KCTD5: variants seen among roughly 807,000 people sequenced by gnomAD.
KCTD5 encodes potassium channel tetramerization domain containing 5, also known as BTB/POZ domain-containing protein KCTD5.
A neutral mutation model predicts 27.9 loss-of-function variants in KCTD5; 12 were observed. The observed-to-expected ratio is 0.43, with a 90% CI of 0.28 to 0.70. The LOEUF is 0.70. Among genes scored for constraint, KCTD5 ranks in the 30% least tolerant of loss-of-function variants. The probability of loss-of-function intolerance (pLI) is 0.19; values close to 1 mark genes in which losing one functional copy is unlikely to be tolerated. For synonymous variants in KCTD5, 147 were observed against 121.4 expected (o/e 1.21, Z -1.39); for missense variants, 226 against 274.8 (o/e 0.82, Z 1.26).
chr16:2,700,681 C>A (rs1387904076), intron 4 of KCTD5, among the ~76,000 whole-genome samples: 1 of 152,186 alleles, frequency 6.6e-6, no homozygotes, highest in Non-Finnish European at 1.5e-5. Context: ...CAGGTTCTGT[C>A]CATGGCCCAG....
In KCTD5 at chr16:2,690,982, G is replaced by A. The variant is rs1191513229; in HGVS notation, c.253-4953G>A. On this transcript the variant is annotated intron_variant, in intron 1 of 5. Coordinates refer to ENST00000301738, the MANE Select transcript of KCTD5 (RefSeq NM_018992.4). ...AGCAGTGAGCTGCCGAGGCCCTCGCGCCTGGGCTGGGCACTGTCTGGGCCT... is the reference window on the plus strand; with the variant it reads ...AGCAGTGAGCTGCCGAGGCCCTCGCACCTGGGCTGGGCACTGTCTGGGCCT... 3.3e-5 allele frequency among the ~76,000 whole-genome samples: 5 copies of A among 152,310 alleles called. No homozygotes were observed. In the East Asian group the frequency reaches 5.8e-4, roughly 18 times the overall value.
intron 2 of KCTD5, among the ~76,000 whole-genome samples, chr16:2,697,597 T>G (rs1216211567): frequency 1.3e-5 from 2 of 152,230 alleles, no homozygotes; most frequent in Non-Finnish European, 2.9e-5. Flanking sequence ...CTGAGCTGCA[T>G]GTAAGCAGCG....
chr16:2,692,475 C>T (rs920717881), intron 1 of KCTD5, among the ~76,000 whole-genome samples: 1 of 152,180 alleles, frequency 6.6e-6, no homozygotes, highest in African/African-American at 2.4e-5. Context: ...CAGCTCTCAG[C>T]AGAGAGGGTA....
intron 1 of KCTD5, among the ~76,000 whole-genome samples, chr16:2,688,142 G>C (rs1390302075): frequency 6.6e-6 from 1 of 151,042 alleles, no homozygotes; most frequent in Non-Finnish European, 1.5e-5. Flanking sequence ...CCTGGTGCCA[G>C]GTCAGTGCAG....
At chr16:2,684,808 C>T (rs142050785) in intron 1 of KCTD5, 52 of 151,610 alleles carry the variant, frequency 3.4e-4, no homozygotes, top group African/African-American at 9.9e-4. Flanking sequence ...TGTGGTGGCG[C>T]GTGCCTGTAG....
chr16:2,698,405 G>T (rs1299198720), intron 3 of KCTD5, among the ~76,000 whole-genome samples: 1 of 152,246 alleles, frequency 6.6e-6, no homozygotes, highest in Non-Finnish European at 1.5e-5. Context: ...GTGGGTCTGC[G>T]CAGGCGCCAG....
intron 1 of KCTD5, among the ~76,000 whole-genome samples, chr16:2,687,072 C>G (rs925435261): frequency 6.6e-5 from 10 of 152,212 alleles, no homozygotes; most frequent in African/African-American, 1.7e-4. Flanking sequence ...ATGGTCCCTG[C>G]GGTGCTGGGG....
intron 3 of KCTD5, chr16:2,699,359 T>C (rs1038563519): frequency 1.1e-5 from 4 of 376,596 alleles, no homozygotes; most frequent in African/African-American, 8.4e-5. Context: ...CAGCTCAGCC[T>C]TCGGGAGGCC....
At chr16:2,692,456 T>A (rs1367603988) in intron 1 of KCTD5, among the ~76,000 whole-genome samples, 2 of 152,114 alleles carry the variant, frequency 1.3e-5, no homozygotes, top group Admixed American at 6.5e-5. Flanking sequence ...CTCCTCTCCA[T>A]TGACTTCCCA....
chr16:2,693,522 C>T (rs1207222542), intron 1 of KCTD5, among the ~76,000 whole-genome samples: 1 of 152,264 alleles, frequency 6.6e-6, no homozygotes, highest in Admixed American at 6.5e-5. Flanking sequence ...CCAGTGCCAG[C>T]ACGCTCAGTG....
chr16:2,696,156 GC>G, intron 2 of KCTD5, 113 bp downstream of exon 2: 1 of 473,484 alleles, frequency 2.1e-6, no homozygotes, highest in Non-Finnish European at 3.9e-6. Flanking sequence ...CCAGGGAGGA[GC>G]AGGCCCTGTA....
intron 1 of KCTD5, among the ~76,000 whole-genome samples, chr16:2,693,582 T>C (rs1232827168): frequency 6.6e-6 from 1 of 152,208 alleles, no homozygotes; most frequent in African/African-American, 2.4e-5. Flanking sequence ...TGCTGTGCAG[T>C]TTCCGCCGAT....
Position 2,704,716 on chromosome 16 carries a change from C to T in KCTD5, c.675+2238C>T, listed in dbSNP as rs1045856675. Among the ~76,000 whole-genome samples, 7 of 152,282 alleles carry T rather than the reference C, an allele frequency of 4.6e-5. No homozygotes were observed. In the East Asian group the frequency reaches 7.7e-4, roughly 17 times the overall value. ...AGCCATGCTCGATGGGTGCATCCAC[C>T]GCCTGCCCCCGTGGCTGATCCCTCC... On this transcript the variant is annotated intron_variant, in intron 5 of 5. Coordinates refer to ENST00000301738, the MANE Select transcript of KCTD5 (RefSeq NM_018992.4).
At chr16:2,706,254 C>T (rs537165703) in intron 5 of KCTD5, among the ~76,000 whole-genome samples, 42 of 152,106 alleles carry the variant, frequency 2.8e-4, no homozygotes, top group Non-Finnish European at 4.6e-4. Flanking sequence ...CAGGAGCCTT[C>T]GGAACAAGCC....
chr16:2,682,961 C>T, intron 1 of KCTD5, 161 bp downstream of exon 1: 1 of 820,962 alleles, frequency 1.2e-6, no homozygotes, highest in East Asian at 3.3e-5. Flanking sequence ...CCAGCTTGCC[C>T]CGATCCCCTA....
chr16:2,697,878 A>G, intron 2 of KCTD5, 28 bp from the exon 3 acceptor site: 2 of 1,508,546 alleles, frequency 1.3e-6, no homozygotes, highest in Non-Finnish European at 1.8e-6. Context: ...TTGGTCTGGT[A>G]AAGACAATTT....
chr16:2,704,606 C>T (rs377217225), intron 5 of KCTD5, among the ~76,000 whole-genome samples: 56 of 152,230 alleles, frequency 3.7e-4, no homozygotes, highest in African/African-American at 8.4e-4. Flanking sequence ...TCAGCAAGGG[C>T]GGGCACCTGG....
In KCTD5 at chr16:2,699,801, T is replaced by C; in HGVS notation, c.454-20T>C. On this transcript the variant is annotated intron_variant, in intron 3 of 5. Transcript: ENST00000301738. ...GGGACATGGGTGGCCCGCCCTTACC[T>C]GTGCCCATTGTCCTTGCAGGTGCCT... The C allele has an allele frequency of 6.2e-7, 1 of 1,611,056 alleles. No individual in the cohort carries two copies. The highest frequency in any genetic ancestry group is 8.5e-7 in the Non-Finnish European group (1 of 1,178,232).
In KCTD5 at chr16:2,702,415, G is replaced by A. The variant is rs148272021; in HGVS notation, c.612G>A (p.Val204=). The A allele has an allele frequency of 2.7e-4, 441 of 1,613,470 alleles. 1 individual carries two copies. In the African/African-American group the frequency reaches 5.2e-3, roughly 19 times the overall value. Residue 204 remains valine (V), a synonymous_variant, in exon 5 of 6, where the codon GTG becomes GTA. Transcript: ENST00000301738. The part of the protein sequence containing the change: ...GNEDQAEFLC[V]VSKELHNTPY... ...AAGACCAAGCCGAGTTCCTCTGTGT[G>A]GTGTCCAAGGAGCTGCACAACACCC...
Sources: allele counts gnomAD v4.1 joint callset (sites outside exome capture counted in the v4.1 genomes callset), GRCh38; gene constraint gnomAD v4.1.1; transcripts MANE v1.5; gene names NCBI Gene and HGNC (gene_info 2026-07-23, HGNC 2026-07-21).